The following SUMF2 variants were observed in gnomAD, a reference collection of about 807,000 sequenced individuals.
SUMF2 encodes the protein sulfatase modifying factor 2.
In SUMF2, 45 loss-of-function variants were observed where a neutral mutation model predicts 44.8. The observed-to-expected ratio is 1.00, with a 90% confidence interval of 0.79 to 1.29. The LOEUF (loss-of-function observed/expected upper bound fraction) is 1.29, where lower values mean the gene tolerates loss of function less well. Among genes scored for constraint, SUMF2 ranks in the 50% most tolerant of loss-of-function variants. SUMF2 has a pLI of 0.00. For synonymous variants in SUMF2, 148 were observed against 150.4 expected (o/e 0.98, Z 0.12); for missense variants, 418 against 389.9 (o/e 1.07, Z -0.61).
At chr7:56,077,678 A>C (rs1795656611) in intron 6 of SUMF2, among the ~76,000 whole-genome samples, 1 of 151,938 alleles carries the variant, frequency 6.6e-6, no homozygotes. Context: ...TAAAAAATAA[A>C]ACTAAAATAA....
chr7:56,083,174 C>T (rs1796098693), downstream of SUMF2: 1 of 982,426 alleles, frequency 1.0e-6, no homozygotes, highest in Non-Finnish European at 1.5e-6. Context: ...ATTTTTATTC[C>T]AGGGAACAAT....
At chr7:56,072,883 C>A in intron 2 of SUMF2, 114 bp from the exon 3 acceptor site, 1 of 690,874 alleles carries the variant, frequency 1.4e-6, no homozygotes, top group South Asian at 1.8e-5. Flanking sequence ...CAATCATGAA[C>A]ACTCTGTGGT....
In SUMF2 at chr7:56,074,588, T is replaced by G; in HGVS notation, c.387T>G (p.Pro129=). ...LPVEKAFWRQ[P]AGPGSGIRER... ...TCTCACTTAATCCTGGCTGTCAGCC[T>G]GCAGGTCCTGGCTCTGGCATCCGAG... Residue 129 remains proline (P), a splice_region_variant and synonymous_variant, in exon 5 of 9, where the codon CCT becomes CCG. Transcript: ENST00000434526. The G allele has an allele frequency of 6.2e-7, 1 of 1,613,912 alleles. No individual in the cohort carries two copies. The highest frequency in any genetic ancestry group is 1.1e-5 in the South Asian group (1 of 91,074).
the SUMF2 span, chr7:56,086,841 A>T: frequency 8.9e-6 from 7 of 784,116 alleles, no homozygotes; most frequent in Non-Finnish European, 1.6e-5. Flanking sequence ...ATCTGTCTAA[A>T]CACCGTGATT....
intron 3 of SUMF2, chr7:56,073,391 G>C: frequency 2.3e-6 from 1 of 436,952 alleles, no homozygotes; most frequent in Non-Finnish European, 4.3e-6. Context: ...GGTGTCTCAT[G>C]CCTATAATCT....
In SUMF2 at chr7:56,076,239, G is replaced by A. The variant is rs191127352; in HGVS notation, c.536-595G>A. Among the ~76,000 whole-genome samples the A allele has an allele frequency of 5.9e-3, 904 of 151,964 alleles. 2 individuals carry two copies. The highest frequency in any genetic ancestry group is 8.7e-3 in the Non-Finnish European group (589 of 67,956). ...GACGGGGTTTCACCGTGTTAGCCAG[G>A]ATGATCTCGATCTCCTGACCTCCTG... On this transcript the variant is annotated intron_variant, in intron 5 of 8. Transcript: ENST00000434526.
At chr7:56,074,464 GGCTCTCTTCCA>G (rs2117459131) in intron 4 of SUMF2, 111 bp from the exon 5 acceptor site, 1 of 1,336,464 alleles carries the variant, frequency 7.5e-7, no homozygotes, top group Non-Finnish European at 1.0e-6. Flanking sequence ...TCACTCACCC[GGCTCTCTTCCA>G]GCTCTCTTGC....
At chr7:56,068,324 C>T (rs1325908404) in intron 1 of SUMF2, among the ~76,000 whole-genome samples, 158 bp from the exon 2 acceptor site, 2 of 152,028 alleles carry the variant, frequency 1.3e-5, no homozygotes, top group African/African-American at 2.4e-5. Context: ...TGTGAGCCAC[C>T]GTGCCCAGCC....
chr7:56,064,877 T>C (rs1323402739), intron 1 of SUMF2, among the ~76,000 whole-genome samples: 11 of 83,608 alleles, frequency 1.3e-4, no homozygotes, highest in East Asian at 3.8e-4. Flanking sequence ...ATCGATACTT[T>C]ATCTCAAAAA....
chr7:56,078,149 C>T lies in SUMF2; in HGVS notation c.639C>T (p.Val213=), dbSNP rs748944901. ...AAGCTGAGGATGGCTTCCATGGAGT[C>T]TCCCCAGTGAATGCTTTCCCCGCCC... ...GDKAEDGFHG[V]SPVNAFPAQN... is the part of the protein sequence containing the mutation. Residue 213 remains valine (V), a synonymous_variant, in exon 7 of 9, where the codon GTC becomes GTT. Coordinates refer to ENST00000434526, the MANE Select transcript of SUMF2 (RefSeq NM_015411.4). The T allele has an allele frequency of 5.0e-6, 8 of 1,613,050 alleles. 2 individuals are homozygous for T. The South Asian group carries it at 8.8e-5, about 18-fold the overall frequency.
downstream of SUMF2, chr7:56,083,473 T>A (rs758993029): frequency 6.2e-7 from 1 of 1,611,760 alleles, no homozygotes; most frequent in Non-Finnish European, 8.5e-7. Flanking sequence ...TTACTCTTCC[T>A]CTGCTCAGGG....
Position 56,079,508 on chromosome 7 carries a change from C to G in SUMF2, c.822-20C>G. 1 of 1,605,772 alleles carries G rather than the reference C, an allele frequency of 6.2e-7. No individual in the cohort carries two copies. The highest frequency in any genetic ancestry group is 8.5e-7 in the Non-Finnish European group (1 of 1,175,100). On this transcript the variant is annotated intron_variant, in intron 8 of 8. Coordinates refer to ENST00000434526, the MANE Select transcript of SUMF2 (RefSeq NM_015411.4). ...TTTTCTCAGGACGTGTCTGTCCTCTCTCCCCTTCTCTGCTGGCAGGATGGG... is the reference window on the plus strand; with the variant it reads ...TTTTCTCAGGACGTGTCTGTCCTCTGTCCCCTTCTCTGCTGGCAGGATGGG...
Position 56,074,191 on chromosome 7 carries a change from T to A in SUMF2, c.357T>A (p.Leu119=). The A allele has an allele frequency of 6.2e-7, 1 of 1,614,026 alleles. No individual in the cohort carries two copies. Among genetic ancestry groups the A allele is most frequent in the Non-Finnish European group, 8.5e-7 (1 of 1,180,010 alleles). The change falls in exon 4 of 9, where the codon CTT becomes CTA. Residue 119 remains leucine (L), a synonymous_variant. Transcript: ENST00000434526. Reference sequence around the variant, plus strand: ...TTTCGCAGTCTGTACTCTGGTGGCTTCCAGTGGAAAAGGCATTTTGGAGGC... The same window carrying A: ...TTTCGCAGTCTGTACTCTGGTGGCTACCAGTGGAAAAGGCATTTTGGAGGC... ...TQPMKSVLWW[L]PVEKAFWRQP... is the part of the protein sequence containing the mutation.
intron 1 of SUMF2, among the ~76,000 whole-genome samples, chr7:56,067,355 C>G (rs1794872404): frequency 6.6e-6 from 1 of 152,062 alleles, no homozygotes; most frequent in Middle Eastern, 3.4e-3. Flanking sequence ...CACTCTGTCA[C>G]CCAGGCTGGA....
chr7:56,079,780 G>C lies in SUMF2; in HGVS notation c.*168G>C, dbSNP rs1285414691. ...GGCGCCTCTCACCAGGGCAGGAGAG[G>C]ACTCAGCCTCCTGTGTTTTGGAGAA... On this transcript the variant is annotated 3_prime_UTR_variant, in exon 9 of 9. Transcript: ENST00000434526. The C allele has an allele frequency of 6.4e-7, 1 of 1,555,624 alleles. No individual in the cohort carries two copies. The highest frequency in any genetic ancestry group is 8.7e-7 in the Non-Finnish European group (1 of 1,148,824).
the SUMF2 span, chr7:56,087,065 G>A: frequency 6.4e-7 from 1 of 1,554,742 alleles, no homozygotes. Flanking sequence ...TAGCAGGGGA[G>A]CCCAGGCAGG....
At chr7:56,083,317 CAA>C (rs1255392973), downstream of SUMF2, 1 of 1,613,978 alleles carries the variant, frequency 6.2e-7, no homozygotes, top group African/African-American at 1.3e-5. Flanking sequence ...CAGGAAAAGC[CAA>C]AGTCTGTGAG....
chr7:56,074,722 G>C lies in SUMF2; in HGVS notation c.521G>C (p.Arg174Pro), dbSNP rs141313937. 1.9e-6 allele frequency: 3 copies of C among 1,614,126 alleles called. No individual in the cohort carries two copies. The South Asian group carries it at 3.3e-5, about 18-fold the overall frequency. Residue 174 changes from arginine to proline, a missense_variant, in exon 5 of 9, where the codon CGA becomes CCA. Transcript: ENST00000434526. ...PTEEEWEFAA[R>P]GGLKGQVYPW... ...GAGGAAGAGTGGGAGTTTGCCGCCC[G>C]AGGGGGCTTGAAGGGTATCCAGATG...
downstream of SUMF2, chr7:56,081,682 T>C: frequency 6.2e-7 from 1 of 1,613,932 alleles, no homozygotes; most frequent in Non-Finnish European, 8.5e-7. This position sits in a 1 kb window ranked among gnomAD's most constrained non-coding sequence, Gnocchi z 4.6. Context: ...CAAGTACTGC[T>C]GGAAGAAGGG....
Sources: allele counts gnomAD v4.1 joint callset (sites outside exome capture counted in the v4.1 genomes callset), GRCh38; gene constraint gnomAD v4.1.1; non-coding constraint Gnocchi (gnomAD v3.1); transcripts MANE v1.5; gene names NCBI Gene and HGNC (gene_info 2026-07-23, HGNC 2026-07-21).